Variants in SCOC observed in about 807,000 individuals in gnomAD.
The protein encoded by SCOC is short coiled coil protein.
Under a neutral mutation model 9.9 loss-of-function variants are expected in SCOC, and 7 were observed. That is an observed-to-expected ratio of 0.71 (90% confidence interval 0.40 to 1.33). The LOEUF (loss-of-function observed/expected upper bound fraction) is 1.33, where lower values mean the gene tolerates loss of function less well. SCOC is among the 40% of genes most tolerant of loss of function. The probability of loss-of-function intolerance (pLI) is 0.01; values close to 1 mark genes in which losing one functional copy is unlikely to be tolerated. For synonymous variants in SCOC, 19 were observed against 28.2 expected (o/e 0.67, Z 1.03); for missense variants, 66 against 89.7 (o/e 0.74, Z 1.07).
chr4:140,348,397 C>G (rs999272386), intron 2 of SCOC, among the ~76,000 whole-genome samples: 8 of 152,124 alleles, frequency 5.3e-5, no homozygotes, highest in African/African-American at 1.9e-4. Flanking sequence ...CAAGTGAGAT[C>G]ACATAGTATT....
chr4:140,321,071 A>T (rs1390883211), intron 1 of SCOC, among the ~76,000 whole-genome samples: 1 of 152,224 alleles, frequency 6.6e-6, no homozygotes, highest in African/African-American at 2.4e-5. Context: ...AACCAAGAGA[A>T]GAGACAGAAA....
intron 1 of SCOC, among the ~76,000 whole-genome samples, chr4:140,280,017 C>T (rs760786231): frequency 2.0e-5 from 3 of 152,144 alleles, no homozygotes; most frequent in South Asian, 2.1e-4. Context: ...CCTTTAAGGA[C>T]GTGAACTGGA....
Position 140,379,627 on chromosome 4 carries a change from G to T in SCOC, c.81G>T (p.Val27=), listed in dbSNP as rs1728485993. 6 of 1,612,388 alleles carry T rather than the reference G, an allele frequency of 3.7e-6. No individual in the cohort carries two copies. Among genetic ancestry groups the T allele is most frequent in the Non-Finnish European group, 4.2e-6 (5 of 1,179,426 alleles). Residue 27 remains valine, a synonymous_variant, in exon 3 of 4, where the codon GTG becomes GTT. Transcript: ENST00000608372. ...LEEKTRLINQ[V]LELQHTLEDL... ...AAAAAACAAGACTTATTAATCAAGT[G>T]TTGGAACTCCAACACACACTTGAAG... is the stretch of plus-strand genomic sequence containing the variant.
At chr4:140,263,705 G>A (rs930799864) in intron 1 of SCOC, among the ~76,000 whole-genome samples, 3 of 152,128 alleles carry the variant, frequency 2.0e-5, no homozygotes, top group African/African-American at 7.2e-5. Context: ...ACTTGGCTTA[G>A]TTATCATATC....
At chr4:140,287,478 C>T (rs949647192) in intron 1 of SCOC, among the ~76,000 whole-genome samples, 4 of 152,090 alleles carry the variant, frequency 2.6e-5, no homozygotes, top group Non-Finnish European at 5.9e-5. Context: ...ACATCATGTG[C>T]ACATGCCACA....
At chr4:140,285,129 G>T (rs773002200) in intron 1 of SCOC, 8 of 454,816 alleles carry the variant, frequency 1.8e-5, no homozygotes, top group Non-Finnish European at 3.5e-5. Flanking sequence ...AACTCATCAC[G>T]TCTCAAAGCT....
At chr4:140,316,845 C>G (rs1398187) in intron 1 of SCOC, among the ~76,000 whole-genome samples, 4,251 of 152,262 alleles carry the variant, frequency 0.028, 121 homozygotes, top group South Asian at 0.093. Flanking sequence ...GATTCTCAGT[C>G]TACAAATTAA....
At chr4:140,355,209 TTTTA>T (rs1266599129) in intron 2 of SCOC, among the ~76,000 whole-genome samples, 46 of 10,212 alleles carry the variant, frequency 4.5e-3, no homozygotes, top group South Asian at 0.041. Context: ...TACATTATAT[TTTTA>T]TATATATATA....
chr4:140,362,272 TCC>T, intron 2 of SCOC, among the ~76,000 whole-genome samples: 1 of 21,274 alleles, frequency 4.7e-5, no homozygotes, highest in Admixed American at 4.7e-4. Context: ...GACAGGTGTG[TCC>T]TTACTTCTTC....
At chr4:140,295,930 CAAAAAAA>C (rs1203213131) in intron 1 of SCOC, among the ~76,000 whole-genome samples, 3 of 53,062 alleles carry the variant, frequency 5.7e-5, no homozygotes, top group Non-Finnish European at 3.6e-5. Context: ...GACTCCGTCT[CAAAAAAA>C]AAAAAAAAAA....
intron 1 of SCOC, among the ~76,000 whole-genome samples, chr4:140,326,228 C>T (rs1732640423): frequency 6.6e-6 from 1 of 151,984 alleles, no homozygotes; most frequent in Non-Finnish European, 1.5e-5. Context: ...TAATTTTTAG[C>T]ATGATGAAAC....
chr4:140,375,718 T>A (rs973833998), intron 1 of SCOC, among the ~76,000 whole-genome samples: 12 of 152,234 alleles, frequency 7.9e-5, no homozygotes, highest in African/African-American at 2.9e-4. Flanking sequence ...TTCTGCCTCC[T>A]GGACTTAAAT....
chr4:140,301,757 C>T (rs867753148), intron 1 of SCOC, among the ~76,000 whole-genome samples: 10 of 152,172 alleles, frequency 6.6e-5, no homozygotes, highest in African/African-American at 2.2e-4. Context: ...GCACTGTTTC[C>T]CTGCCATGGA....
chr4:140,374,259 C>A (rs1359731085), intron 1 of SCOC: 7 of 432,824 alleles, frequency 1.6e-5, no homozygotes, highest in Non-Finnish European at 2.3e-5. Context: ...CAGAGTCCTG[C>A]TGAACAAGTT....
intron 1 of SCOC, among the ~76,000 whole-genome samples, chr4:140,273,717 G>C (rs1200536113): frequency 6.6e-6 from 1 of 151,750 alleles, no homozygotes; most frequent in Non-Finnish European, 1.5e-5. Context: ...AGAGATTATT[G>C]CATAATTTGT....
intron 1 of SCOC, among the ~76,000 whole-genome samples, chr4:140,267,294 T>A (rs748634786): frequency 2.6e-5 from 4 of 152,156 alleles, no homozygotes; most frequent in Non-Finnish European, 5.9e-5. Flanking sequence ...AAGGCTGGTA[T>A]CCCACAAGGT....
intron 2 of SCOC, among the ~76,000 whole-genome samples, chr4:140,361,242 T>C (rs1578857974): frequency 7.9e-6 from 1 of 126,244 alleles, no homozygotes; most frequent in Non-Finnish European, 1.7e-5. Flanking sequence ...TTTTTTTTTT[T>C]TCTGGAAAGT....
intron 1 of SCOC, among the ~76,000 whole-genome samples, chr4:140,270,204 T>C (rs1230126870): frequency 6.6e-6 from 1 of 152,354 alleles, no homozygotes; most frequent in Admixed American, 6.5e-5. Context: ...AAGGAACTGA[T>C]AAAATAATAA....
At chr4:140,369,857 ATTTTTTTTTTTTTTT>A (rs540817613), upstream of SCOC, among the ~76,000 whole-genome samples, 9 of 31,372 alleles carry the variant, frequency 2.9e-4, no homozygotes, top group South Asian at 1.8e-3. Context: ...CAGAAGGGGG[ATTTTTTTTTTTTTTT>A]TTTTTTTTTT....
Sources: gnomAD v4.1 joint callset for allele counts (sites outside exome capture counted in the v4.1 genomes callset) on GRCh38, gnomAD v4.1.1 for gene constraint, MANE v1.5 for transcripts, NCBI Gene and HGNC (gene_info 2026-07-23, HGNC 2026-07-21) for gene names.